The following MAF variants were observed in gnomAD, a reference collection of about 807,000 sequenced individuals.
MAF encodes the protein MAF bZIP transcription factor, also known as transcription factor Maf.
A neutral mutation model predicts 22.0 loss-of-function variants in MAF; 10 were observed. That is an observed-to-expected ratio of 0.45 (90% CI 0.28 to 0.77). The LOEUF (loss-of-function observed/expected upper bound fraction) is 0.77, where lower values mean the gene tolerates loss of function less well. Among genes scored for constraint, MAF ranks in the 30% least tolerant of loss-of-function variants. The pLI is 0.12. For synonymous variants in MAF, 337 were observed against 255.8 expected (o/e 1.32, Z -3.03); for missense variants, 544 against 548.4 (o/e 0.99, Z 0.08).
the MAF span, among the ~76,000 whole-genome samples, chr16:79,384,873 G>A: frequency 6.6e-6 from 1 of 152,336 alleles, no homozygotes; most frequent in Non-Finnish European, 1.5e-5. Context: ...GTTCGTCAAT[G>A]ACAGTAGCTT....
At chr16:79,596,817 CT>C (rs1913555975) in intron 1 of MAF, 14 of 1,049,022 alleles carry the variant, frequency 1.3e-5, no homozygotes, top group Non-Finnish European at 1.5e-5. Context: ...TCTGCATCAT[CT>C]TAAAACTGTG....
chr16:79,525,082 C>T, the MAF span, among the ~76,000 whole-genome samples: 2 of 152,262 alleles, frequency 1.3e-5, no homozygotes, highest in East Asian at 1.9e-4. Context: ...GGCCACAGCA[C>T]GATTCTGAAA....
the MAF span, among the ~76,000 whole-genome samples, chr16:79,420,894 C>T: frequency 6.6e-6 from 1 of 152,084 alleles, no homozygotes; most frequent in Non-Finnish European, 1.5e-5. Context: ...ATTATCCAGG[C>T]ATGGGGGCAG....
chr16:79,377,388 C>T, the MAF span, among the ~76,000 whole-genome samples: 19 of 152,030 alleles, frequency 1.2e-4, no homozygotes, highest in Non-Finnish European at 2.6e-4. Flanking sequence ...GTTTTTTCCT[C>T]GTAAATTTGT....
the MAF span, among the ~76,000 whole-genome samples, chr16:79,343,704 T>C: frequency 1.3e-5 from 2 of 152,232 alleles, no homozygotes; most frequent in African/African-American, 2.4e-5. Flanking sequence ...TAAAATGTCA[T>C]CTGGATTATG....
chr16:79,508,387 G>A, the MAF span, among the ~76,000 whole-genome samples: 1 of 152,152 alleles, frequency 6.6e-6, no homozygotes, highest in Non-Finnish European at 1.5e-5. Context: ...GGTCTCCACT[G>A]AACTGCTTTC....
the MAF span, among the ~76,000 whole-genome samples, chr16:79,323,368 T>C: frequency 6.6e-6 from 1 of 150,576 alleles, no homozygotes; most frequent in Admixed American, 6.6e-5. Context: ...TGGAAAGGAG[T>C]AGGTTGGAAT....
the MAF span, among the ~76,000 whole-genome samples, chr16:79,241,919 C>A: frequency 2.0e-5 from 3 of 151,946 alleles, no homozygotes; most frequent in East Asian, 5.8e-4. Context: ...ATTTTCAACC[C>A]AGAATTTCAT....
chr16:79,398,940 T>C, the MAF span, among the ~76,000 whole-genome samples: 5,103 of 152,296 alleles, frequency 0.034, 187 homozygotes, highest in African/African-American at 0.089. Context: ...TGCTCCATTC[T>C]GATTGCCTGC....
the MAF span, among the ~76,000 whole-genome samples, chr16:79,208,439 GTAT>G: frequency 1.1e-4 from 17 of 152,182 alleles, no homozygotes; most frequent in African/African-American, 2.4e-4. Context: ...GTATGTCAAG[GTAT>G]TATTATTTAT....
the MAF span, among the ~76,000 whole-genome samples, chr16:79,450,050 A>C: frequency 6.6e-6 from 1 of 152,198 alleles, no homozygotes; most frequent in African/African-American, 2.4e-5. Context: ...AGGGAAACCC[A>C]TGTTCCTCTT....
chr16:79,255,669 G>T, the MAF span, among the ~76,000 whole-genome samples: 3 of 152,294 alleles, frequency 2.0e-5, no homozygotes, highest in African/African-American at 7.2e-5. Flanking sequence ...TGTCTGTACA[G>T]ATTTGGAAGA....
chr16:79,428,418 GC>G, the MAF span, among the ~76,000 whole-genome samples: 1 of 152,198 alleles, frequency 6.6e-6, no homozygotes, highest in Non-Finnish European at 1.5e-5. Flanking sequence ...GGACAATGTT[GC>G]ACGGGACGTG....
chr16:79,267,986 C>T, the MAF span, among the ~76,000 whole-genome samples: 391 of 152,302 alleles, frequency 2.6e-3, 1 homozygote, highest in Non-Finnish European at 3.4e-3. Context: ...GACTTAATCA[C>T]ACCTCAGTTA....
At chr16:79,489,390 T>G in the MAF span, among the ~76,000 whole-genome samples, 3 of 152,216 alleles carry the variant, frequency 2.0e-5, no homozygotes, top group Non-Finnish European at 4.4e-5. Flanking sequence ...GTACTGAATA[T>G]GTGTTTTGCA....
At chr16:79,564,461 A>C in the MAF span, among the ~76,000 whole-genome samples, 1 of 152,216 alleles carries the variant, frequency 6.6e-6, no homozygotes, top group Non-Finnish European at 1.5e-5. Context: ...AACTGGGCAC[A>C]CTGGTTTACT....
the MAF span, among the ~76,000 whole-genome samples, chr16:79,473,667 T>G: frequency 6.6e-6 from 1 of 152,178 alleles, no homozygotes; most frequent in Non-Finnish European, 1.5e-5. Context: ...TGAGCATGTC[T>G]TTATGACATT....
At chr16:79,526,983 G>C in the MAF span, among the ~76,000 whole-genome samples, 1 of 152,308 alleles carries the variant, frequency 6.6e-6, no homozygotes, top group South Asian at 2.1e-4. Flanking sequence ...AATAATGGCT[G>C]TTTTTAAGAA....
At chr16:79,332,512 C>A in the MAF span, among the ~76,000 whole-genome samples, 1 of 152,198 alleles carries the variant, frequency 6.6e-6, no homozygotes, top group Non-Finnish European at 1.5e-5. Flanking sequence ...GTTGGCCAGG[C>A]TGGCTTCAAA....
Sources: allele counts gnomAD v4.1 joint callset (sites outside exome capture counted in the v4.1 genomes callset), GRCh38; gene constraint gnomAD v4.1.1; transcripts MANE v1.5; gene names NCBI Gene and HGNC (gene_info 2026-07-23, HGNC 2026-07-21).